The following CDH4 variants were observed in gnomAD, a reference collection of about 807,000 sequenced individuals.
CDH4 encodes cadherin 4.
A neutral mutation model predicts 86.0 loss-of-function variants in CDH4; 33 were observed. The ratio of observed to expected loss-of-function variants is 0.38; its 90% CI spans 0.29 to 0.51. CDH4 has a LOEUF of 0.51. Among genes scored for constraint, CDH4 ranks in the 20% least tolerant of loss-of-function variants. The pLI is 0.86. For missense variants in CDH4, 1,114 were observed against 1,307.4 expected (o/e 0.85, Z 2.28); for synonymous variants, 555 against 549.4 (o/e 1.01, Z -0.14).
At chr20:61,277,296 TAA>T (rs1213160624) in intron 2 of CDH4, among the ~76,000 whole-genome samples, 2 of 152,238 alleles carry the variant, frequency 1.3e-5, no homozygotes, top group Admixed American at 1.3e-4. Context: ...TCAGTTTTAT[TAA>T]AGTGTATAAT....
At chr20:61,795,354 C>T (rs1979484450) in intron 4 of CDH4, among the ~76,000 whole-genome samples, 2 of 151,986 alleles carry the variant, frequency 1.3e-5, no homozygotes, top group Non-Finnish European at 2.9e-5. Flanking sequence ...GCCAGTTGCT[C>T]TCCTGTGTAC....
intron 2 of CDH4, among the ~76,000 whole-genome samples, chr20:61,497,116 A>G (rs1005049625): frequency 6.6e-6 from 1 of 152,172 alleles, no homozygotes; most frequent in East Asian, 1.9e-4. Flanking sequence ...GTGTACTCAC[A>G]GTGTGTGTCT....
chr20:61,306,172 A>T (rs2084416170), intron 2 of CDH4, among the ~76,000 whole-genome samples: 1 of 152,104 alleles, frequency 6.6e-6, no homozygotes, highest in South Asian at 2.1e-4. Flanking sequence ...AAGTCTTCCA[A>T]AGGTTGCTGG....
chr20:61,512,340 G>A (rs540591859), intron 2 of CDH4, among the ~76,000 whole-genome samples: 3 of 152,170 alleles, frequency 2.0e-5, no homozygotes, highest in African/African-American at 7.2e-5. Flanking sequence ...AGCCAGGCCC[G>A]GGAAGGGGAT....
rs1018834132 is a variant in CDH4, at chr20:61,333,286, C to T, written c.169+78349C>T. Among the ~76,000 whole-genome samples, 515 of 148,612 alleles carry T rather than the reference C, an allele frequency of 3.5e-3. 2 individuals are homozygous for T. Among genetic ancestry groups the T allele is most frequent in the Middle Eastern group, 6.8e-3 (2 of 292 alleles). The stretch of plus-strand genomic sequence containing the variant: ...ATGTACACACACACACACACACACA[C>T]ATGCACACACACCTGCATGGGGGAG... On this transcript the variant is annotated intron_variant, in intron 2 of 15. Transcript: ENST00000614565.
chr20:61,793,852 AAAG>A (rs1162712175), intron 4 of CDH4, among the ~76,000 whole-genome samples: 2 of 134,766 alleles, frequency 1.5e-5, no homozygotes, highest in East Asian at 4.5e-4. Flanking sequence ...AAAAAAAAAA[AAAG>A]AGGCCAGGTA....
intron 2 of CDH4, among the ~76,000 whole-genome samples, chr20:61,465,866 T>A (rs868299303): frequency 1.5e-5 from 2 of 133,978 alleles, no homozygotes; most frequent in African/African-American, 2.9e-5. Context: ...CTTTTTTTTC[T>A]TTTTTTTTTT....
chr20:61,928,709 G>A (rs933529909), intron 12 of CDH4, among the ~76,000 whole-genome samples: 4 of 152,318 alleles, frequency 2.6e-5, no homozygotes, highest in East Asian at 3.9e-4. Context: ...TTCCTGTGCC[G>A]GTTGTCAGTT....
chr20:61,453,699 G>A (rs914658656), intron 2 of CDH4, among the ~76,000 whole-genome samples: 1 of 152,090 alleles, frequency 6.6e-6, no homozygotes, highest in Non-Finnish European at 1.5e-5. Flanking sequence ...CTTTCTTTGC[G>A]GAATTATAAG....
chr20:61,678,905 C>T (rs975895842), intron 2 of CDH4, among the ~76,000 whole-genome samples: 14 of 152,224 alleles, frequency 9.2e-5, no homozygotes, highest in Admixed American at 8.5e-4. Flanking sequence ...AGATAAGGTC[C>T]CATTCTCAGG....
At chr20:61,292,661 C>T (rs559197891) in intron 2 of CDH4, among the ~76,000 whole-genome samples, 4 of 152,390 alleles carry the variant, frequency 2.6e-5, no homozygotes, top group Non-Finnish European at 4.4e-5. Flanking sequence ...CTTGGAAGTG[C>T]GGCCAGGGCT....
chr20:61,556,784 G>A (rs972815998), intron 2 of CDH4, among the ~76,000 whole-genome samples: 4 of 152,108 alleles, frequency 2.6e-5, no homozygotes, highest in Admixed American at 6.5e-5. Context: ...GGTGGCCAGT[G>A]GCTGTCCTCT....
At chr20:61,369,488 T>C (rs1416378563) in intron 2 of CDH4, among the ~76,000 whole-genome samples, 1 of 143,480 alleles carries the variant, frequency 7.0e-6, no homozygotes. Context: ...AATGACATCG[T>C]TGGGGCAATA....
intron 5 of CDH4, among the ~76,000 whole-genome samples, 194 bp from the exon 6 acceptor site, chr20:61,852,560 C>T (rs970094347): frequency 9.2e-5 from 14 of 152,166 alleles, no homozygotes; most frequent in Non-Finnish European, 1.5e-4. Context: ...ACTCTGCACT[C>T]TCCTGACCCC....
At chr20:61,844,588 A>AC (rs1481210282) in intron 4 of CDH4, 80 bp from the exon 5 acceptor site, 1 of 1,364,218 alleles carries the variant, frequency 7.3e-7, no homozygotes, top group African/African-American at 1.4e-5. Context: ...AACTCATGAG[A>AC]GGGGATGAAT....
Position 61,743,773 on chromosome 20 carries a change from C to T in CDH4, c.380C>T (p.Pro127Leu), listed in dbSNP as rs780655670. Reference sequence around the variant, plus strand: ...TTGCTGGTGGCCCAGACCTCGTCCCCGCACTCTGGACACAAGGTAAGGTGT... The same window carrying T: ...TTGCTGGTGGCCCAGACCTCGTCCCTGCACTCTGGACACAAGGTAAGGTGT... ...VRLLVAQTSS[P>L]HSGHKPQKGK... Residue 127 changes from proline (P) to leucine (L), a missense_variant, in exon 3 of 16, where the codon CCG becomes CTG. Pro to Leu is a moderately conservative substitution (Grantham distance 98). Transcript: ENST00000614565. 5.6e-6 allele frequency: 9 copies of T among 1,601,946 alleles called. No individual in the cohort carries two copies. The highest frequency in any genetic ancestry group is 4.5e-5 in the South Asian group (4 of 88,798).
chr20:61,846,794 G>A (rs532925298), intron 5 of CDH4, among the ~76,000 whole-genome samples: 83 of 152,266 alleles, frequency 5.5e-4, no homozygotes, highest in African/African-American at 1.9e-3. Flanking sequence ...TTGGAGCGGG[G>A]TCAGCCCACT....
chr20:61,859,043 C>T (rs749564438), intron 6 of CDH4, among the ~76,000 whole-genome samples: 6 of 152,188 alleles, frequency 3.9e-5, no homozygotes, highest in African/African-American at 7.2e-5. Context: ...CTGAGAGTCC[C>T]GGATTCTCGG....
In CDH4 at chr20:61,397,164, C is replaced by T. The variant is rs138359604; in HGVS notation, c.169+142227C>T. Among the ~76,000 whole-genome samples the T allele has an allele frequency of 1.9e-3, 295 of 152,300 alleles. 1 individual carries two copies. Among genetic ancestry groups the T allele is most frequent in the African/African-American group, 6.6e-3 (273 of 41,560 alleles). On this transcript the variant is annotated intron_variant, in intron 2 of 15. Coordinates refer to ENST00000614565, the MANE Select transcript of CDH4 (RefSeq NM_001794.5). ...AGCTTGGGCAATCCACCCGCTTCAG[C>T]CTCCCAAAGTGCTGGGATTACAGGT...
Sources: allele counts gnomAD v4.1 joint callset (sites outside exome capture counted in the v4.1 genomes callset), GRCh38; gene constraint gnomAD v4.1.1; transcripts MANE v1.5; gene names NCBI Gene and HGNC (gene_info 2026-07-23, HGNC 2026-07-21).